THSD7A: variants seen among roughly 807,000 people sequenced by gnomAD.
THSD7A encodes the protein thrombospondin type 1 domain containing 7A, also known as thrombospondin type-1 domain-containing protein 7A.
Under a neutral mutation model 231.3 loss-of-function variants are expected in THSD7A, and 96 were observed. That is an observed-to-expected ratio of 0.41 (90% CI 0.35 to 0.49). The LOEUF (loss-of-function observed/expected upper bound fraction) is 0.49, where lower values mean the gene tolerates loss of function less well. Among genes scored for constraint, THSD7A ranks in the 20% least tolerant of loss-of-function variants. The probability of loss-of-function intolerance (pLI) is 0.05; values close to 1 mark genes in which losing one functional copy is unlikely to be tolerated. For synonymous variants in THSD7A, 940 were observed against 743.3 expected, an observed-to-expected ratio of 1.26 and a Z score of -4.30; for missense variants, 2,290 against 2,070.2, an observed-to-expected ratio of 1.11 and a Z score of -2.06.
intron 16 of THSD7A, among the ~76,000 whole-genome samples, chr7:11,419,116 T>C (rs1048978657): frequency 3.3e-5 from 5 of 152,202 alleles, no homozygotes; most frequent in Non-Finnish European, 4.4e-5. Context: ...GATTAACTTG[T>C]AGAATTACCT....
intron 24 of THSD7A, among the ~76,000 whole-genome samples, chr7:11,381,230 A>C (rs1321023005): frequency 6.6e-6 from 1 of 152,106 alleles, no homozygotes. Context: ...TTTTTCTCCC[A>C]AAAAATAATA....
At chr7:11,784,420 G>A (rs1293179039) in intron 1 of THSD7A, among the ~76,000 whole-genome samples, 2 of 151,074 alleles carry the variant, frequency 1.3e-5, no homozygotes, top group Admixed American at 6.6e-5. Context: ...TTAGATATAC[G>A]TTAGTCTGTC....
At chr7:11,674,281 G>A (rs1454677748) in intron 1 of THSD7A, among the ~76,000 whole-genome samples, 1 of 152,080 alleles carries the variant, frequency 6.6e-6, no homozygotes, top group Non-Finnish European at 1.5e-5. Flanking sequence ...CCAGTGCAAT[G>A]TCATGGTTAG....
Position 11,378,832 on chromosome 7 carries a change from A to ATAT in THSD7A, c.4801+235_4801+237dup. 3 of 499,924 alleles carry ATAT rather than the reference A, an allele frequency of 6.0e-6. No individual in the cohort carries two copies. The East Asian group carries it at 1.0e-4, about 17-fold the overall frequency. The allele number at this position is 499,924 out of a possible 1,614,324, so 31.0% of individuals were successfully genotyped here. A position where few individuals can be genotyped will look rare whatever the true frequency, so the allele number is the denominator to read the frequency against. On this transcript the variant is annotated intron_variant, in intron 26 of 27. Coordinates refer to ENST00000423059, the MANE Select transcript of THSD7A (RefSeq NM_015204.3). ...TTTTGGACTGGAATTGAATTGAATT[A>ATAT]TATTGATCCAAAATTTTTTCTCAGA...
chr7:11,585,727 T>C (rs1010533182), intron 4 of THSD7A, among the ~76,000 whole-genome samples: 1 of 152,090 alleles, frequency 6.6e-6, no homozygotes, highest in African/African-American at 2.4e-5. Flanking sequence ...AGGTGGGAAC[T>C]GTGGCTGGAC....
chr7:11,694,162 A>ATCTTCTGCT (rs1780318515), intron 1 of THSD7A, among the ~76,000 whole-genome samples: 1 of 151,484 alleles, frequency 6.6e-6, no homozygotes. Flanking sequence ...TCTCTTGGCT[A>ATCTTCTGCT]TCTTCTAAGC....
At chr7:11,484,015 G>A (rs1445341730) in intron 6 of THSD7A, among the ~76,000 whole-genome samples, 4 of 148,664 alleles carry the variant, frequency 2.7e-5, no homozygotes, top group South Asian at 2.1e-4. Flanking sequence ...CACTCCCCCT[G>A]CCCCCCATCC....
intron 1 of THSD7A, among the ~76,000 whole-genome samples, chr7:11,654,859 T>C (rs923432866): frequency 2.0e-5 from 3 of 151,916 alleles, no homozygotes; most frequent in Admixed American, 6.6e-5. Flanking sequence ...CATGGTTTAC[T>C]GAGTAGTTGG....
At chr7:11,659,372 A>T (rs1782836316) in intron 1 of THSD7A, among the ~76,000 whole-genome samples, 1 of 151,504 alleles carries the variant, frequency 6.6e-6, no homozygotes, top group Admixed American at 6.6e-5. Context: ...ATGCCCTCTC[A>T]TTGCTCTTAG....
chr7:11,637,509 G>C lies in THSD7A; in HGVS notation c.191-548C>G, dbSNP rs1459964687. Among the ~76,000 whole-genome samples the C allele has an allele frequency of 6.6e-6, 1 of 152,158 alleles. No homozygotes were observed. Among genetic ancestry groups the C allele is most frequent in the African/African-American group, 2.4e-5 (1 of 41,424 alleles). ...ATCATGTGTGCCACTAGAGCTTAAA[G>C]TGTTCACTCTCTGGTTATCAAAACT... On this transcript the variant is annotated intron_variant, in intron 1 of 27. Coordinates refer to ENST00000423059, the MANE Select transcript of THSD7A (RefSeq NM_015204.3). This position sits in a 1 kb window ranked among gnomAD's most constrained non-coding sequence, Gnocchi z 4.2.
chr7:11,664,554 A>T (rs189064801), intron 1 of THSD7A, among the ~76,000 whole-genome samples: 9 of 152,146 alleles, frequency 5.9e-5, no homozygotes, highest in African/African-American at 2.2e-4. Flanking sequence ...GTCAGTAAAG[A>T]GCAGCAAATA....
At chr7:11,394,997 GC>G (rs1382967721) in intron 23 of THSD7A, among the ~76,000 whole-genome samples, 3 of 152,110 alleles carry the variant, frequency 2.0e-5, no homozygotes, top group Non-Finnish European at 4.4e-5. Flanking sequence ...TGGGCTAAAT[GC>G]CCCAATTAAA....
chr7:11,512,503 C>A (rs1437858317), intron 6 of THSD7A, among the ~76,000 whole-genome samples: 3 of 152,046 alleles, frequency 2.0e-5, no homozygotes, highest in Non-Finnish European at 4.4e-5. Context: ...TATTTTGGCA[C>A]TATTCACAAG....
At position 11,411,633 on chromosome 7, in the gene THSD7A, C is replaced by G. The variant is rs1028398974; in HGVS notation, c.3683-311G>C. Among the ~76,000 whole-genome samples, 1 of 152,190 alleles carries G rather than the reference C, an allele frequency of 6.6e-6. No individual in the cohort carries two copies. Among genetic ancestry groups the G allele is most frequent in the Non-Finnish European group, 1.5e-5 (1 of 68,014 alleles). The stretch of plus-strand genomic sequence containing the variant: ...CAGATCAATGTCACTTAAAAACTTT[C>G]TTTCCCAATAAAAATATAATTTAAA... On this transcript the variant is annotated intron_variant, in intron 18 of 27. Coordinates refer to ENST00000423059, the MANE Select transcript of THSD7A (RefSeq NM_015204.3). The surrounding 1 kb of genome is among the most constrained non-coding windows in gnomAD (Gnocchi z 4.1).
At chr7:11,579,994 G>T (rs1420428670) in intron 4 of THSD7A, among the ~76,000 whole-genome samples, 4 of 152,096 alleles carry the variant, frequency 2.6e-5, no homozygotes, top group Non-Finnish European at 5.9e-5. Context: ...CCCTTCTAAG[G>T]CCCTGGCAGA....
chr7:11,795,616 C>G (rs1207329329), intron 1 of THSD7A, among the ~76,000 whole-genome samples: 1 of 151,868 alleles, frequency 6.6e-6, no homozygotes, highest in African/African-American at 2.4e-5. Context: ...ACTTATAATT[C>G]AAACATATAT....
At chr7:11,758,146 A>G (rs1158448047) in intron 1 of THSD7A, among the ~76,000 whole-genome samples, 3 of 151,734 alleles carry the variant, frequency 2.0e-5, no homozygotes, top group African/African-American at 7.3e-5. Flanking sequence ...AGTCACATAT[A>G]GAGAAAATGG....
At chr7:11,662,776 G>A (rs1782979110) in intron 1 of THSD7A, among the ~76,000 whole-genome samples, 1 of 151,330 alleles carries the variant, frequency 6.6e-6, no homozygotes, top group Non-Finnish European at 1.5e-5. Context: ...AAGTGGAAAT[G>A]TTTTGAGTGA....
intron 4 of THSD7A, among the ~76,000 whole-genome samples, chr7:11,545,306 A>G (rs1789333705): frequency 6.6e-6 from 1 of 152,118 alleles, no homozygotes; most frequent in East Asian, 1.9e-4. Context: ...TGAAATAATA[A>G]TTTATATAAA....
Sources: allele counts gnomAD v4.1 joint callset (sites outside exome capture counted in the v4.1 genomes callset), GRCh38; gene constraint gnomAD v4.1.1; non-coding constraint Gnocchi (gnomAD v3.1); transcripts MANE v1.5; gene names NCBI Gene and HGNC (gene_info 2026-07-23, HGNC 2026-07-21).